DCTN2: variants seen among roughly 807,000 people sequenced by gnomAD.
DCTN2 encodes the protein 50 kDa dynein-associated polypeptide.
In DCTN2, 18 loss-of-function variants were observed where a neutral mutation model predicts 55.4. That is an observed-to-expected ratio of 0.32 (90% CI 0.22 to 0.48). The LOEUF (loss-of-function observed/expected upper bound fraction) is 0.48. Among genes scored for constraint, DCTN2 ranks in the 20% least tolerant of loss-of-function variants. The pLI, the probability that DCTN2 is intolerant of heterozygous loss-of-function variation, is 0.99. For synonymous variants in DCTN2, 168 were observed against 185.2 expected (o/e 0.91, Z 0.76); for missense variants, 390 against 491.0 (o/e 0.79, Z 1.94).
At position 57,542,329 on chromosome 12, in the gene DCTN2, T is replaced by G. The variant is rs150727437; in HGVS notation, c.105+3699A>C. Among the ~76,000 whole-genome samples the G allele has an allele frequency of 4.9e-4, 74 of 152,272 alleles. 1 individual carries two copies. Among genetic ancestry groups the G allele is most frequent in the African/African-American group, 1.7e-3 (71 of 41,538 alleles). On this transcript the variant is annotated intron_variant, in intron 2 of 13. Transcript: ENST00000548249. ...GTAGCAAAATTTAAATCTTTTATGCTTTCCTCCCCCATCCTCCCCACTATG... is the reference window on the plus strand; with the variant it reads ...GTAGCAAAATTTAAATCTTTTATGCGTTCCTCCCCCATCCTCCCCACTATG...
intron 11 of DCTN2, 113 bp downstream of exon 11, chr12:57,532,459 A>G (rs765124751): frequency 1.5e-5 from 20 of 1,342,158 alleles, no homozygotes; most frequent in Admixed American, 5.2e-5. Context: ...TAAGCTCTTC[A>G]TAAGAGCTTA....
At chr12:57,538,394 A>G (rs1880418752) in intron 2 of DCTN2, 1 of 688,524 alleles carries the variant, frequency 1.5e-6, no homozygotes, top group East Asian at 2.7e-5. Context: ...CTTGTGAGAT[A>G]GGAAAAGGCT....
intron 2 of DCTN2, chr12:57,542,894 G>A: frequency 4.4e-6 from 2 of 456,070 alleles, no homozygotes; most frequent in Non-Finnish European, 8.8e-6. Context: ...CTCTAGGGAA[G>A]AGAACTGAGT....
intron 2 of DCTN2, among the ~76,000 whole-genome samples, chr12:57,545,108 C>T (rs962821259): frequency 6.6e-6 from 1 of 152,192 alleles, no homozygotes; most frequent in Non-Finnish European, 1.5e-5. Flanking sequence ...AGCCACAGGA[C>T]TTACAGACAA....
At chr12:57,546,971 G>T in intron 1 of DCTN2, 57 bp downstream of exon 1, 2 of 1,244,290 alleles carry the variant, frequency 1.6e-6, no homozygotes, top group Non-Finnish European at 2.0e-6. Flanking sequence ...TTCTGCTGGG[G>T]GTCCTTGGGA....
chr12:57,534,225 C>T (rs778262062), intron 6 of DCTN2, 67 bp downstream of exon 6: 283 of 1,527,018 alleles, frequency 1.9e-4, no homozygotes, highest in Non-Finnish European at 2.2e-4. Context: ...GCACCCCTGT[C>T]AGTAGCTGGC....
chr12:57,541,476 CTCCAGGA>C, intron 2 of DCTN2: 3 of 1,169,610 alleles, frequency 2.6e-6, no homozygotes, highest in Non-Finnish European at 3.8e-6. Context: ...ATCAAGCATA[CTCCAGGA>C]TCTTCTAAAC....
chr12:57,531,322 A>G (rs1382055233), intron 13 of DCTN2, among the ~76,000 whole-genome samples: 1 of 152,000 alleles, frequency 6.6e-6, no homozygotes, highest in Non-Finnish European at 1.5e-5. Flanking sequence ...CAGGAGTTTG[A>G]GACCACCCTG....
At chr12:57,533,063 C>A (rs748831125) in intron 8 of DCTN2, 41 bp from the exon 9 acceptor site, 1 of 1,575,218 alleles carries the variant, frequency 6.3e-7, no homozygotes, top group African/African-American at 1.4e-5. Context: ...GTCCTTATAT[C>A]TCCATGATTA....
At chr12:57,535,177 A>C (rs751719121) in intron 4 of DCTN2, 23 bp from the exon 5 acceptor site, 1 of 1,575,384 alleles carries the variant, frequency 6.3e-7, no homozygotes, top group Non-Finnish European at 8.7e-7. Flanking sequence ...CACAGAGGGT[A>C]ATGTTATATG....
intron 2 of DCTN2, chr12:57,544,150 C>G (rs1447919110): frequency 4.4e-6 from 2 of 453,140 alleles, no homozygotes; most frequent in Admixed American, 2.4e-5. Flanking sequence ...ACAGTCTGAA[C>G]TGTGGTAGTG....
intron 4 of DCTN2, 36 bp downstream of exon 4, chr12:57,535,448 A>G (rs1297158856): frequency 3.1e-6 from 5 of 1,611,056 alleles, no homozygotes; most frequent in Non-Finnish European, 4.2e-6. Context: ...GGGTCACTAC[A>G]CCATTCCCAT....
Position 57,532,233 on chromosome 12 carries a change from A to C in DCTN2, c.1007T>G (p.Ile336Ser). ...LPELVQRLVT[I>S]KQLHEQAMQF... ...CCCACCTTGCTCGTGCAGCTGCTTG[A>C]TGGTGACAAGTCTCTGCACCAGCTC... The change falls in exon 12 of 14, where the codon ATC becomes AGC. Residue 336 changes from isoleucine to serine, a missense_variant. Physicochemically the swap from Ile to Ser is moderately radical, Grantham distance 142 (BLOSUM62 -2). Coordinates refer to ENST00000548249, the MANE Select transcript of DCTN2 (RefSeq NM_001261413.2). The C allele has an allele frequency of 2.6e-6, 4 of 1,558,868 alleles. No individual in the cohort carries two copies. In the South Asian group the frequency reaches 3.6e-5, roughly 14 times the overall value.
intron 9 of DCTN2, 35 bp downstream of exon 9, chr12:57,532,949 T>C (rs1439904953): frequency 6.3e-7 from 1 of 1,598,872 alleles, no homozygotes; most frequent in Non-Finnish European, 8.5e-7. Context: ...CTATCCCCTC[T>C]GTGATCCAAA....
chr12:57,545,034 C>T (rs1215974890), intron 2 of DCTN2, among the ~76,000 whole-genome samples: 4 of 152,142 alleles, frequency 2.6e-5, no homozygotes, highest in Non-Finnish European at 4.4e-5. Flanking sequence ...TAAGTGAGTA[C>T]GCCAAGCCAC....
intron 2 of DCTN2, among the ~76,000 whole-genome samples, chr12:57,541,913 C>A (rs1277073291): frequency 6.6e-6 from 1 of 152,242 alleles, no homozygotes; most frequent in East Asian, 1.9e-4. Flanking sequence ...AGCCCGTGCA[C>A]TTTCCTGGTC....
At chr12:57,542,361 G>T (rs753317972) in intron 2 of DCTN2, among the ~76,000 whole-genome samples, 1 of 152,020 alleles carries the variant, frequency 6.6e-6, no homozygotes, top group Non-Finnish European at 1.5e-5. Flanking sequence ...TATGGGAATC[G>T]GAAAATGTTT....
chr12:57,543,175 C>T (rs893583696), intron 2 of DCTN2: 6 of 370,456 alleles, frequency 1.6e-5, no homozygotes, highest in African/African-American at 4.3e-5. Context: ...CATGAAACCC[C>T]GTCTCTACTA....
Position 57,546,628 on chromosome 12 carries a change from G to A in DCTN2, c.36+400C>T, listed in dbSNP as rs556547164. Among the ~76,000 whole-genome samples the A allele has an allele frequency of 3.9e-5, 6 of 152,202 alleles. No homozygotes were observed. The South Asian group carries it at 1.2e-3, about 32-fold the overall frequency. ...TGGCACAAGAGGGTTCTGCCAGATG[G>A]CAGAACCTCTTCCTTGGCAGGATGA... is the stretch of plus-strand genomic sequence containing the variant. On this transcript the variant is annotated intron_variant, in intron 1 of 13. Transcript: ENST00000548249.
Sources: allele counts gnomAD v4.1 joint callset (sites outside exome capture counted in the v4.1 genomes callset), GRCh38; gene constraint gnomAD v4.1.1; transcripts MANE v1.5; gene names NCBI Gene and HGNC (gene_info 2026-07-23, HGNC 2026-07-21).